The following NTNG1 variants were observed in gnomAD, a reference collection of about 807,000 sequenced individuals.
NTNG1 encodes netrin G1.
Under a neutral mutation model 54.0 loss-of-function variants are expected in NTNG1, and 16 were observed. That is an observed-to-expected ratio of 0.30 (90% CI 0.20 to 0.45). NTNG1 has a LOEUF of 0.45. NTNG1 is among the 20% of genes least tolerant of loss of function. The probability of loss-of-function intolerance (pLI) is 1.00; values close to 1 mark genes in which losing one functional copy is unlikely to be tolerated. For synonymous variants in NTNG1, 255 were observed against 263.1 expected (o/e 0.97, Z 0.30); for missense variants, 530 against 678.7 (o/e 0.78, Z 2.43).
intron 3 of NTNG1, 112 bp from the exon 4 acceptor site, chr1:107,395,042 C>A: frequency 1.3e-6 from 1 of 797,898 alleles, no homozygotes. Flanking sequence ...TACTAAATGC[C>A]TCTGTGTATC....
At position 107,395,281 on chromosome 1, in the gene NTNG1, A is replaced by G. The variant is rs1397479243; in HGVS notation, c.1015A>G (p.Ser339Gly). ...GAAGAATTATCAGGGCCGACCTTGGAGTCCAGGCTCCTATCTCCCCATCCC... is the reference window on the plus strand; with the variant it reads ...GAAGAATTATCAGGGCCGACCTTGGGGTCCAGGCTCCTATCTCCCCATCCC... ...CKKNYQGRPW[S>G]PGSYLPIPKG... Residue 339 changes from serine to glycine, a missense_variant, in exon 4 of 8, where the codon AGT (serine) becomes GGT (glycine). Ser to Gly is a moderately conservative substitution (Grantham distance 56). This residue lies in a region of NTNG1 where 318 missense variants were observed against 465.1 expected (regional missense o/e 0.68). Coordinates refer to ENST00000370068, the MANE Select transcript of NTNG1 (RefSeq NM_001113226.3). 6.2e-7 allele frequency: 1 copy of G among 1,613,644 alleles called. No homozygotes were observed. The highest frequency in any genetic ancestry group is 8.5e-7 in the Non-Finnish European group (1 of 1,179,656).
At position 107,400,614 on chromosome 1, in the gene NTNG1, G is replaced by A. The variant is rs183162062; in HGVS notation, c.1060+5288G>A. On this transcript the variant is annotated intron_variant, in intron 4 of 7. Coordinates refer to ENST00000370068, the MANE Select transcript of NTNG1 (RefSeq NM_001113226.3). ...GTGAGAAATTTAAGAATAGGTCCAT[G>A]TTTTATTCTTGGTCTTCATCAACGT... Among the ~76,000 whole-genome samples the A allele has an allele frequency of 1.8e-3, 264 of 150,496 alleles. 2 individuals carry two copies. The highest frequency in any genetic ancestry group is 6.1e-3 in the African/African-American group (250 of 41,086).
rs547522365 is a variant in NTNG1 at position 107,458,859 on chromosome 1, G to T, written c.1391-21752G>T. Among the ~76,000 whole-genome samples, 94 of 152,144 alleles carry T rather than the reference G, an allele frequency of 6.2e-4. 1 individual carries two copies. Among genetic ancestry groups the T allele is most frequent in the Admixed American group, 2.1e-3 (32 of 15,292 alleles). ...TCTGTATCTGGTGTCCTATTTGCTG[G>T]ATGTGAACTTCATTTTCAAATTGGA... On this transcript the variant is annotated intron_variant, in intron 7 of 7. Transcript: ENST00000370068.
chr1:107,328,095 C>G (rs1452242361), intron 3 of NTNG1, among the ~76,000 whole-genome samples: 1 of 152,072 alleles, frequency 6.6e-6, no homozygotes, highest in East Asian at 1.9e-4. Context: ...CATTTACTCC[C>G]TCTCATTGCG....
intron 3 of NTNG1, among the ~76,000 whole-genome samples, chr1:107,380,727 G>T (rs1025199691): frequency 3.9e-5 from 6 of 152,164 alleles, no homozygotes; most frequent in African/African-American, 1.4e-4. Flanking sequence ...CAGGCGCCAT[G>T]GAAGGCCTTG....
At chr1:107,240,071 C>A (rs2101574358) in intron 2 of NTNG1, among the ~76,000 whole-genome samples, 1 of 152,236 alleles carries the variant, frequency 6.6e-6, no homozygotes, top group Middle Eastern at 3.4e-3. Flanking sequence ...TTCCATTACA[C>A]AGTAATGTTT....
chr1:107,368,192 T>A (rs1402054556), intron 3 of NTNG1, among the ~76,000 whole-genome samples: 1 of 152,134 alleles, frequency 6.6e-6, no homozygotes, highest in Non-Finnish European at 1.5e-5. Flanking sequence ...CTGGTTCCAA[T>A]GTCTTAGGTC....
chr1:107,455,425 T>C (rs1179550685), intron 7 of NTNG1, among the ~76,000 whole-genome samples: 1 of 152,180 alleles, frequency 6.6e-6, no homozygotes, highest in Non-Finnish European at 1.5e-5. Flanking sequence ...TAGCCTAATG[T>C]GGTGCTCAGG....
intron 2 of NTNG1, among the ~76,000 whole-genome samples, chr1:107,162,293 C>A (rs145123769): frequency 6.6e-6 from 1 of 152,134 alleles, no homozygotes; most frequent in South Asian, 2.1e-4. Context: ...GAACTCCTAT[C>A]GACAGATTTT....
At chr1:107,184,959 A>C (rs1454875647) in intron 2 of NTNG1, among the ~76,000 whole-genome samples, 3 of 152,140 alleles carry the variant, frequency 2.0e-5, no homozygotes, top group African/African-American at 7.2e-5. Context: ...ACAAGTTGAC[A>C]TCTGGGATTG....
At chr1:107,276,507 TCAC>T (rs1365706190) in intron 2 of NTNG1, among the ~76,000 whole-genome samples, 1 of 152,068 alleles carries the variant, frequency 6.6e-6, no homozygotes, top group Non-Finnish European at 1.5e-5. Flanking sequence ...AAGGCTCACA[TCAC>T]TGAATCTTCA....
At chr1:107,448,738 C>T (rs1676445632) in intron 7 of NTNG1, among the ~76,000 whole-genome samples, 1 of 152,000 alleles carries the variant, frequency 6.6e-6, no homozygotes, top group South Asian at 2.1e-4. Context: ...ATATAAGGGG[C>T]AGGAACTCAA....
intron 7 of NTNG1, among the ~76,000 whole-genome samples, chr1:107,449,460 AT>A: frequency 6.6e-6 from 1 of 152,044 alleles, no homozygotes; most frequent in East Asian, 1.9e-4. Flanking sequence ...CCAGCCGTGA[AT>A]TGACTCAGGA....
intron 2 of NTNG1, among the ~76,000 whole-genome samples, chr1:107,245,264 G>A (rs1314020941): frequency 6.6e-6 from 1 of 152,150 alleles, no homozygotes; most frequent in Non-Finnish European, 1.5e-5. Flanking sequence ...TGCATCTTAT[G>A]CTTGAAAAAC....
chr1:107,280,334 G>A (rs1664765275), intron 2 of NTNG1, among the ~76,000 whole-genome samples: 1 of 150,998 alleles, frequency 6.6e-6, no homozygotes, highest in Non-Finnish European at 1.5e-5. Flanking sequence ...GATGTCATGG[G>A]TTGAATCTCT....
chr1:107,389,122 C>A (rs1672201418), intron 3 of NTNG1, among the ~76,000 whole-genome samples: 1 of 152,248 alleles, frequency 6.6e-6, no homozygotes, highest in Non-Finnish European at 1.5e-5. Context: ...TAAATTATAC[C>A]AAAGCATATT....
intron 3 of NTNG1, among the ~76,000 whole-genome samples, chr1:107,392,847 C>A (rs1341606158): frequency 6.6e-6 from 1 of 152,074 alleles, no homozygotes; most frequent in Non-Finnish European, 1.5e-5. Context: ...ACAACCTATC[C>A]AAGCACACGG....
Position 107,179,978 on chromosome 1 carries a change from G to A in NTNG1, c.246+31139G>A, listed in dbSNP as rs74909275. On this transcript the variant is annotated intron_variant, in intron 2 of 7. Coordinates refer to ENST00000370068, the MANE Select transcript of NTNG1 (RefSeq NM_001113226.3). ...TGCAAAAGCTCCACTTTAAAACTCCGGTGTACACACAGGAGCCTTAAATTT... is the reference window on the plus strand; with the variant it reads ...TGCAAAAGCTCCACTTTAAAACTCCAGTGTACACACAGGAGCCTTAAATTT... Among the ~76,000 whole-genome samples, 433 of 152,154 alleles carry A rather than the reference G, an allele frequency of 2.8e-3. 2 individuals carry two copies. The highest frequency in any genetic ancestry group is 9.8e-3 in the African/African-American group (406 of 41,516).
chr1:107,288,582 G>A (rs945587153), intron 2 of NTNG1, among the ~76,000 whole-genome samples: 2 of 152,056 alleles, frequency 1.3e-5, no homozygotes, highest in Non-Finnish European at 2.9e-5. Flanking sequence ...TTTCAAGATA[G>A]CAAGAGAAAA....
Sources: allele counts gnomAD v4.1 joint callset (sites outside exome capture counted in the v4.1 genomes callset), GRCh38; gene constraint gnomAD v4.1.1; regional missense constraint gnomAD v4.1.1; transcripts MANE v1.5; gene names NCBI Gene and HGNC (gene_info 2026-07-23, HGNC 2026-07-21).